BEND3: variants seen among roughly 807,000 people sequenced by gnomAD.
BEND3 encodes the protein BEN domain-containing protein 3.
Under a neutral mutation model 60.1 loss-of-function variants are expected in BEND3, and 13 were observed. The observed-to-expected ratio is 0.22, with a 90% CI of 0.14 to 0.34. The LOEUF is 0.34. BEND3 is among the 10% of genes least tolerant of loss of function. BEND3 has a pLI of 1.00. For synonymous variants in BEND3, 497 were observed against 491.5 expected (o/e 1.01, Z -0.15); for missense variants, 896 against 1,138.1 (o/e 0.79, Z 3.06).
chr6:107,098,473 C>T, intron 3 of BEND3, 78 bp downstream of exon 3: 10 of 1,499,214 alleles, frequency 6.7e-6, no homozygotes, highest in Non-Finnish European at 9.1e-6. Flanking sequence ...CCAGGATGCC[C>T]AAAACAAGAG....
chr6:107,110,645 C>G (rs1329351995), intron 1 of BEND3, among the ~76,000 whole-genome samples: 3 of 152,076 alleles, frequency 2.0e-5, no homozygotes, highest in African/African-American at 7.2e-5. Context: ...ACTGCAGCCT[C>G]CTCCTCCCAG....
intron 3 of BEND3, among the ~76,000 whole-genome samples, chr6:107,082,373 C>T (rs1421326986): frequency 6.6e-6 from 1 of 152,174 alleles, no homozygotes; most frequent in African/African-American, 2.4e-5. Flanking sequence ...ATGTGTCAGG[C>T]CAAATCAGAA....
chr6:107,108,261 G>GGTCAC (rs1386840033), intron 1 of BEND3, among the ~76,000 whole-genome samples: 1 of 152,108 alleles, frequency 6.6e-6, no homozygotes, highest in Non-Finnish European at 1.5e-5. Context: ...CTTAATCTTT[G>GGTCAC]GTCACTTGCG....
At chr6:107,113,013 C>A (rs1554238720) in intron 1 of BEND3, among the ~76,000 whole-genome samples, 1 of 151,924 alleles carries the variant, frequency 6.6e-6, no homozygotes, top group African/African-American at 2.4e-5. Context: ...AAAAAATTAG[C>A]CGGGAGTGGT....
chr6:107,085,648 C>A (rs781866118), intron 3 of BEND3, among the ~76,000 whole-genome samples: 5 of 151,800 alleles, frequency 3.3e-5, no homozygotes, highest in Admixed American at 2.0e-4. Context: ...CCTGCCACCA[C>A]GCCTGACTAA....
chr6:107,107,434 T>TC (rs1775840914), intron 1 of BEND3, among the ~76,000 whole-genome samples: 1 of 151,998 alleles, frequency 6.6e-6, no homozygotes, highest in Admixed American at 6.6e-5. Flanking sequence ...CTTTTTTTTT[T>TC]TTTAAGGAAA....
At position 107,069,321 on chromosome 6, in the gene BEND3, G is replaced by C; in HGVS notation, c.1870C>G (p.Arg624Gly). ...GTCCAGACGCGGTCGTTTTTGGCGC[G>C]TGGGTAGAGCAGCTGCACGTAGTGG... ...IRHYVQLLYP[R>G]AKNDRVWTLE... Residue 624 changes from arginine to glycine, a missense_variant, in exon 4 of 4, where the codon CGC becomes GGC. Physicochemically the swap from Arg to Gly is moderately radical, Grantham distance 125. Coordinates refer to ENST00000369042, the MANE Select transcript of BEND3 (RefSeq NM_001367314.1). 1 of 1,613,290 alleles carries C rather than the reference G, an allele frequency of 6.2e-7. No homozygotes were observed. The highest frequency in any genetic ancestry group is 8.5e-7 in the Non-Finnish European group (1 of 1,179,892).
intron 3 of BEND3, among the ~76,000 whole-genome samples, chr6:107,083,144 T>C (rs1332151696): frequency 2.0e-5 from 3 of 152,150 alleles, no homozygotes; most frequent in African/African-American, 7.2e-5. Context: ...CTAACTGTCT[T>C]GTAGCTTTCA....
intron 1 of BEND3, among the ~76,000 whole-genome samples, chr6:107,108,593 C>T (rs1366371914): frequency 6.6e-6 from 1 of 151,880 alleles, no homozygotes. Context: ...GTATACTGCA[C>T]CCCCAATCCT....
At chr6:107,085,360 T>TAC (rs1278355186) in intron 3 of BEND3, among the ~76,000 whole-genome samples, 2 of 152,224 alleles carry the variant, frequency 1.3e-5, no homozygotes, top group Admixed American at 1.3e-4. Context: ...CCAAGAACCC[T>TAC]ACCAGGTTCT....
intron 3 of BEND3, among the ~76,000 whole-genome samples, chr6:107,088,966 C>T (rs1388205190): frequency 2.6e-5 from 4 of 151,870 alleles, no homozygotes; most frequent in African/African-American, 4.8e-5. Context: ...GTCAACATGG[C>T]GAAACCCAGT....
intron 3 of BEND3, among the ~76,000 whole-genome samples, chr6:107,092,113 C>T (rs149312105): frequency 1.3e-5 from 2 of 151,994 alleles, no homozygotes. Context: ...AAACATTAGC[C>T]GGGTGTAGTG....
intron 1 of BEND3, among the ~76,000 whole-genome samples, chr6:107,109,011 G>A (rs938423725): frequency 1.3e-4 from 19 of 151,940 alleles, no homozygotes; most frequent in Non-Finnish European, 2.6e-4. Flanking sequence ...TGGCCATGTT[G>A]GCCAGGCTGG....
At position 107,112,624 on chromosome 6, in the gene BEND3, C is replaced by T. The variant is rs1201155392; in HGVS notation, c.-12+2466G>A. Among the ~76,000 whole-genome samples the T allele has an allele frequency of 4.6e-5, 7 of 151,888 alleles. No individual in the cohort carries two copies. In the East Asian group the frequency reaches 1.4e-3, roughly 29 times the overall value. Reference sequence around the variant, plus strand: ...ATCCCAGCACTTTGGGAGGCCGAAGCTGGCGAATGACCTGAGGTCGGGAGT... The same window carrying T: ...ATCCCAGCACTTTGGGAGGCCGAAGTTGGCGAATGACCTGAGGTCGGGAGT... On this transcript the variant is annotated intron_variant, in intron 1 of 3. Coordinates refer to ENST00000369042, the MANE Select transcript of BEND3 (RefSeq NM_001367314.1).
At chr6:107,109,544 G>A (rs2115039345) in intron 1 of BEND3, among the ~76,000 whole-genome samples, 1 of 151,526 alleles carries the variant, frequency 6.6e-6, no homozygotes, top group African/African-American at 2.4e-5. Context: ...TTTGAGACCA[G>A]CCTGGGCAAT....
intron 3 of BEND3, among the ~76,000 whole-genome samples, chr6:107,094,663 T>A (rs559648729): frequency 3.9e-5 from 5 of 128,564 alleles, no homozygotes; most frequent in African/African-American, 8.8e-5. Flanking sequence ...AATAAATAAA[T>A]AAAACGAACA....
Sources: gnomAD v4.1 joint callset for allele counts (sites outside exome capture counted in the v4.1 genomes callset) on GRCh38, gnomAD v4.1.1 for gene constraint, MANE v1.5 for transcripts, NCBI Gene and HGNC (gene_info 2026-07-23, HGNC 2026-07-21) for gene names.